Variants in TSPAN18 observed in about 807,000 individuals in gnomAD.
The protein encoded by TSPAN18 is tetraspanin-18.
Under a neutral mutation model 27.3 loss-of-function variants are expected in TSPAN18, and 14 were observed. The ratio of observed to expected loss-of-function variants is 0.51; its 90% CI spans 0.34 to 0.80. The LOEUF (loss-of-function observed/expected upper bound fraction) is 0.80, where lower values mean the gene tolerates loss of function less well. TSPAN18 is among the 30% of genes least tolerant of loss of function. The pLI, the probability that TSPAN18 is intolerant of heterozygous loss-of-function variation, is 0.01. For missense variants in TSPAN18, 268 were observed against 323.9 expected (o/e 0.83, Z 1.32); for synonymous variants, 143 against 136.5 (o/e 1.05, Z -0.33).
chr11:44,802,735 G>C (rs1381402854), intron 2 of TSPAN18, among the ~76,000 whole-genome samples: 1 of 152,074 alleles, frequency 6.6e-6, no homozygotes, highest in Non-Finnish European at 1.5e-5. Context: ...TAGATGAAAG[G>C]TCCAGTTTGT....
chr11:44,734,481 G>A (rs1432833645), intron 1 of TSPAN18, among the ~76,000 whole-genome samples: 1 of 152,254 alleles, frequency 6.6e-6, no homozygotes, highest in African/African-American at 2.4e-5. Context: ...CATAGTAGGT[G>A]TCGTGTTTGC....
intron 2 of TSPAN18, among the ~76,000 whole-genome samples, chr11:44,831,107 T>C (rs1334975746): frequency 6.6e-6 from 1 of 152,156 alleles, no homozygotes; most frequent in Non-Finnish European, 1.5e-5. Context: ...AGCAAGACTC[T>C]GTCTCAAAAA....
At chr11:44,920,444 C>G (rs1293031578) in intron 8 of TSPAN18, among the ~76,000 whole-genome samples, 1 of 147,946 alleles carries the variant, frequency 6.8e-6, no homozygotes, top group Non-Finnish European at 1.5e-5. Context: ...TGACCTGACT[C>G]TCCAAGGTCA....
chr11:44,889,734 CTT>C (rs1203220085), intron 3 of TSPAN18, among the ~76,000 whole-genome samples: 3 of 152,238 alleles, frequency 2.0e-5, no homozygotes, highest in Non-Finnish European at 4.4e-5. Flanking sequence ...TAATTTTCAG[CTT>C]GCTTGGAGCC....
At position 44,929,522 on chromosome 11, in the gene TSPAN18, C is replaced by A; in HGVS notation, c.*344C>A. ...GACCCTGGGCCCTCTCTCCTCACTG[C>A]ACCAGGACCTGATGCCAAGAAAGTG... On this transcript the variant is annotated 3_prime_UTR_variant, in exon 10 of 10. Transcript: ENST00000520358. 1 of 291,680 alleles carries A rather than the reference C, an allele frequency of 3.4e-6. No individual in the cohort carries two copies. The highest frequency in any genetic ancestry group is 6.3e-6 in the Non-Finnish European group (1 of 157,860). The allele number at this position is 291,680 out of a possible 1,614,324, so 18.1% of individuals were successfully genotyped here.
At chr11:44,818,354 T>TA (rs1856855665) in intron 2 of TSPAN18, among the ~76,000 whole-genome samples, 1 of 152,258 alleles carries the variant, frequency 6.6e-6, no homozygotes, top group African/African-American at 2.4e-5. Flanking sequence ...CACCTTCCTC[T>TA]GTCCCCAGCT....
At chr11:44,884,235 A>G (rs1198375315) in intron 3 of TSPAN18, among the ~76,000 whole-genome samples, 1 of 152,116 alleles carries the variant, frequency 6.6e-6, no homozygotes, top group Non-Finnish European at 1.5e-5. Flanking sequence ...TATGCTCTGG[A>G]TGGGTCATTT....
At chr11:44,790,448 T>C (rs1176148498) in intron 2 of TSPAN18, among the ~76,000 whole-genome samples, 2 of 151,198 alleles carry the variant, frequency 1.3e-5, no homozygotes, top group African/African-American at 2.4e-5. Flanking sequence ...TGTGTTCGTG[T>C]GTGCATGTGT....
chr11:44,900,487 C>G (rs1859218730), intron 3 of TSPAN18, among the ~76,000 whole-genome samples: 1 of 152,086 alleles, frequency 6.6e-6, no homozygotes, highest in African/African-American at 2.4e-5. Flanking sequence ...GTGATTCCAC[C>G]TCTCCGAGCC....
intron 2 of TSPAN18, among the ~76,000 whole-genome samples, chr11:44,791,262 TCC>T (rs1279033156): frequency 2.6e-5 from 4 of 152,184 alleles, no homozygotes; most frequent in African/African-American, 7.2e-5. Flanking sequence ...CTTGGCAGAC[TCC>T]AGCACACACC....
chr11:44,797,579 G>A (rs1856379025), intron 2 of TSPAN18, among the ~76,000 whole-genome samples: 1 of 152,190 alleles, frequency 6.6e-6, no homozygotes, highest in African/African-American at 2.4e-5. Flanking sequence ...AATGGGGACG[G>A]GAGCAAACAC....
intron 2 of TSPAN18, among the ~76,000 whole-genome samples, chr11:44,819,700 G>C (rs1006471660): frequency 9.2e-5 from 13 of 141,558 alleles, no homozygotes; most frequent in African/African-American, 3.2e-4. Flanking sequence ...AGCTTGGAAG[G>C]CTTTTTTTTT....
intron 1 of TSPAN18, among the ~76,000 whole-genome samples, chr11:44,742,108 G>A (rs572948386): frequency 1.3e-5 from 2 of 152,186 alleles, no homozygotes; most frequent in East Asian, 1.9e-4. Flanking sequence ...CCCAGCAGGT[G>A]GAGGGGGTAT....
At chr11:44,897,445 C>A (rs1859102219) in intron 3 of TSPAN18, among the ~76,000 whole-genome samples, 1 of 152,206 alleles carries the variant, frequency 6.6e-6, no homozygotes, top group Non-Finnish European at 1.5e-5. Context: ...AGGCCATCAG[C>A]CTCATGTGCA....
At chr11:44,747,779 ACT>A (rs1354462644) in intron 1 of TSPAN18, among the ~76,000 whole-genome samples, 1 of 151,682 alleles carries the variant, frequency 6.6e-6, no homozygotes, top group Non-Finnish European at 1.5e-5. Context: ...ACACTTGCTC[ACT>A]CTCATCTTTC....
chr11:44,863,731 G>A (rs1009721397), intron 3 of TSPAN18, among the ~76,000 whole-genome samples: 1 of 152,126 alleles, frequency 6.6e-6, no homozygotes, highest in Non-Finnish European at 1.5e-5. Flanking sequence ...ACCTGGGTTC[G>A]GATCTGAGCT....
rs1234028838 is a variant in TSPAN18, at chr11:44,903,750, A to G, written c.-10-2657A>G. The stretch of plus-strand genomic sequence containing the variant: ...GGCCATGCTCACTGAAGTAAAGACA[A>G]ATCCGCCCCCCACCCCATCACACAC... On this transcript the variant is annotated intron_variant, in intron 3 of 9. Transcript: ENST00000520358. 6.6e-6 allele frequency: 3 copies of G among 456,032 alleles called. No homozygotes were observed. In the East Asian group the frequency reaches 2.1e-4, roughly 32 times the overall value. 28.2% of individuals were successfully genotyped at this position (456,032 alleles called of 1,614,324 possible).
At chr11:44,790,339 G>A (rs1485116673) in intron 2 of TSPAN18, among the ~76,000 whole-genome samples, 1 of 151,106 alleles carries the variant, frequency 6.6e-6, no homozygotes, top group Non-Finnish European at 1.5e-5. Flanking sequence ...ACGCATGTGT[G>A]CATGTGTTGG....
At chr11:44,844,799 A>G (rs1483743447) in intron 2 of TSPAN18, among the ~76,000 whole-genome samples, 1 of 152,068 alleles carries the variant, frequency 6.6e-6, no homozygotes, top group Non-Finnish European at 1.5e-5. Context: ...TTACTTTCTT[A>G]TGGTGCCCAG....
Sources: gnomAD v4.1 joint callset for allele counts (sites outside exome capture counted in the v4.1 genomes callset) on GRCh38, gnomAD v4.1.1 for gene constraint, MANE v1.5 for transcripts, NCBI Gene and HGNC (gene_info 2026-07-23, HGNC 2026-07-21) for gene names.